TCF4: variants seen among roughly 807,000 people sequenced by gnomAD.
TCF4 encodes the protein SL3-3 enhancer factor 2.
TCF4 carries 3 observed loss-of-function variants against 82.1 expected under a neutral mutation model. The ratio of observed to expected loss-of-function variants is 0.04; its 90% CI spans 0.02 to 0.09. The LOEUF is 0.09. Ranked by LOEUF, TCF4 falls within the 10% of genes least tolerant of loss-of-function variation. The probability of loss-of-function intolerance (pLI) is 1.00; values close to 1 mark genes in which losing one functional copy is unlikely to be tolerated. For synonymous variants in TCF4, 276 were observed against 309.6 expected (o/e 0.89, Z 1.14); for missense variants, 518 against 852.7 (o/e 0.61, Z 4.89).
intron 8 of TCF4, among the ~76,000 whole-genome samples, chr18:55,319,136 C>T (rs1173842316): frequency 6.6e-6 from 1 of 152,180 alleles, no homozygotes; most frequent in Non-Finnish European, 1.5e-5. Context: ...TTCAAACACA[C>T]ATTGGTTAGA....
At chr18:55,540,684 T>C (rs1449867295) in intron 3 of TCF4, among the ~76,000 whole-genome samples, 1 of 151,988 alleles carries the variant, frequency 6.6e-6, no homozygotes, top group Non-Finnish European at 1.5e-5. Flanking sequence ...AAGTCCCTAC[T>C]CCACAAGCAT....
chr18:55,424,885 T>C (rs1275805057), intron 5 of TCF4, among the ~76,000 whole-genome samples: 1 of 152,212 alleles, frequency 6.6e-6, no homozygotes, highest in Non-Finnish European at 1.5e-5. Flanking sequence ...TGATTGAATG[T>C]TCTCGACAAT....
At chr18:55,635,532 A>G (rs1292803339) in intron 1 of TCF4, among the ~76,000 whole-genome samples, 4 of 151,922 alleles carry the variant, frequency 2.6e-5, no homozygotes. Flanking sequence ...GAAAAGAAAA[A>G]GAAAAAAAGA....
At chr18:55,363,470 A>C (rs1298701771) in intron 6 of TCF4, among the ~76,000 whole-genome samples, 5 of 152,198 alleles carry the variant, frequency 3.3e-5, no homozygotes, top group Non-Finnish European at 7.3e-5. Context: ...AGCTAGAAAA[A>C]TTAGAACATA....
intron 3 of TCF4, among the ~76,000 whole-genome samples, chr18:55,523,383 A>C (rs531109350): frequency 3.3e-5 from 5 of 152,046 alleles, no homozygotes; most frequent in Non-Finnish European, 5.9e-5. Context: ...TAAATTCAGG[A>C]AACACTACAG....
At chr18:55,383,303 T>C (rs1349736439) in intron 6 of TCF4, among the ~76,000 whole-genome samples, 2 of 152,328 alleles carry the variant, frequency 1.3e-5, no homozygotes, top group East Asian at 3.9e-4. Flanking sequence ...GGGAGAACAA[T>C]GCAAAGCAAA....
At chr18:55,632,953 G>A (rs1036455815) in intron 1 of TCF4, among the ~76,000 whole-genome samples, 3 of 152,156 alleles carry the variant, frequency 2.0e-5, no homozygotes, top group South Asian at 2.1e-4. Context: ...TATATATGAA[G>A]GTATGAGGTC....
chr18:55,464,920 C>T (rs773037509), intron 3 of TCF4, among the ~76,000 whole-genome samples: 4 of 152,126 alleles, frequency 2.6e-5, no homozygotes, highest in African/African-American at 4.8e-5. Context: ...GAGTAGATTA[C>T]GAAATGTTCC....
At chr18:55,405,765 G>A (rs1192673022) in intron 5 of TCF4, among the ~76,000 whole-genome samples, 1 of 152,136 alleles carries the variant, frequency 6.6e-6, no homozygotes, top group African/African-American at 2.4e-5. Context: ...AAAGAAAGAG[G>A]CAGGAGGGAG....
intron 6 of TCF4, chr18:55,402,205 A>G: frequency 1.0e-6 from 1 of 985,440 alleles, no homozygotes. Context: ...GATGCCGAAT[A>G]TGACTGAATT....
chr18:55,412,605 C>T (rs942609159), intron 5 of TCF4, among the ~76,000 whole-genome samples: 2 of 152,126 alleles, frequency 1.3e-5, no homozygotes, highest in Admixed American at 6.5e-5. Flanking sequence ...TCTCTGTCCA[C>T]GTTCTGTGGA....
intron 6 of TCF4, 148 bp from the exon 7 acceptor site, chr18:55,351,151 G>C: frequency 1.0e-6 from 1 of 965,248 alleles, no homozygotes; most frequent in Non-Finnish European, 1.5e-6. Context: ...AAACCCAAAA[G>C]AAAGGCAGTC....
intron 15 of TCF4, among the ~76,000 whole-genome samples, chr18:55,251,935 T>TG: frequency 6.6e-6 from 1 of 151,034 alleles, no homozygotes; most frequent in Non-Finnish European, 1.5e-5. Context: ...ATGAGGTTTT[T>TG]TTTTTTTTTT....
chr18:55,244,898 A>G (rs1282373701), intron 15 of TCF4, among the ~76,000 whole-genome samples: 1 of 152,220 alleles, frequency 6.6e-6, no homozygotes, highest in Non-Finnish European at 1.5e-5. Context: ...TAAAATGTGG[A>G]AACTCAATAC....
intron 2 of TCF4, among the ~76,000 whole-genome samples, chr18:55,618,970 T>C (rs1189535103): frequency 6.6e-6 from 1 of 152,098 alleles, no homozygotes; most frequent in Non-Finnish European, 1.5e-5. Flanking sequence ...TGTTCTTTTT[T>C]TTTCTTGTAA....
At chr18:55,541,816 T>C (rs758417287) in intron 3 of TCF4, among the ~76,000 whole-genome samples, 1 of 151,938 alleles carries the variant, frequency 6.6e-6, no homozygotes, top group Non-Finnish European at 1.5e-5. Flanking sequence ...CTTCAGCTGA[T>C]TCAGCATGGC....
intron 5 of TCF4, among the ~76,000 whole-genome samples, chr18:55,450,952 G>A (rs575710983): frequency 4.6e-5 from 7 of 152,286 alleles, no homozygotes; most frequent in East Asian, 1.9e-4. Flanking sequence ...TTAAAATGGA[G>A]AGAAACATGG....
rs538042194 is a variant in TCF4 at position 55,405,869 on chromosome 18, C to G, written c.305-2351G>C. On this transcript the variant is annotated intron_variant, in intron 5 of 19. Coordinates refer to ENST00000354452, the MANE Select transcript of TCF4 (RefSeq NM_001083962.2). Reference sequence around the variant, plus strand: ...GCATTCTTTACTATCATATCAGATACAGACTGCTTAATCTTAATTTTGCTT... The same window carrying G: ...GCATTCTTTACTATCATATCAGATAGAGACTGCTTAATCTTAATTTTGCTT... 4.6e-5 allele frequency among the ~76,000 whole-genome samples: 7 copies of G among 152,304 alleles called. No individual in the cohort carries two copies. The East Asian group carries it at 1.2e-3, about 25-fold the overall frequency.
At chr18:55,430,396 T>C (rs944285620) in intron 5 of TCF4, among the ~76,000 whole-genome samples, 1 of 152,158 alleles carries the variant, frequency 6.6e-6, no homozygotes, top group Non-Finnish European at 1.5e-5. Context: ...AATTTCCAAG[T>C]TTTCCAACAG....
Sources: allele counts gnomAD v4.1 joint callset (sites outside exome capture counted in the v4.1 genomes callset), GRCh38; gene constraint gnomAD v4.1.1; transcripts MANE v1.5; gene names NCBI Gene and HGNC (gene_info 2026-07-23, HGNC 2026-07-21).